CSMD1: variants seen among roughly 807,000 people sequenced by gnomAD.
CSMD1 encodes CUB and Sushi multiple domains 1, also known as CUB and sushi domain-containing protein 1.
CSMD1 carries 213 observed loss-of-function variants against 417.5 expected under a neutral mutation model. The ratio of observed to expected loss-of-function variants is 0.51; its 90% confidence interval spans 0.46 to 0.57. The LOEUF (loss-of-function observed/expected upper bound fraction) is 0.57, where lower values mean the gene tolerates loss of function less well. Ranked by LOEUF, CSMD1 falls within the 20% of genes least tolerant of loss-of-function variation. The pLI is 0.00. For synonymous variants in CSMD1, 2,862 were observed against 1,736.8 expected, an observed-to-expected ratio of 1.65 and a Z score of -16.11; for missense variants, 6,923 against 4,529.7, an observed-to-expected ratio of 1.53 and a Z score of -15.17.
chr8:3,127,778 A>G (rs1160176996), intron 41 of CSMD1: 2 of 152,094 alleles, frequency 1.3e-5, no homozygotes, highest in Non-Finnish European at 2.9e-5. Flanking sequence ...TTTCCCAAAA[A>G]AGTTTATGCA....
chr8:3,228,967 G>C (rs1798670498), intron 27 of CSMD1, among the ~76,000 whole-genome samples: 5 of 152,096 alleles, frequency 3.3e-5, no homozygotes, highest in Admixed American at 3.3e-4. Context: ...CGCAGCACCA[G>C]ACATTAAACA....
intron 52 of CSMD1, among the ~76,000 whole-genome samples, chr8:3,012,438 G>A (rs1255334293): frequency 1.3e-5 from 2 of 152,170 alleles, no homozygotes; most frequent in East Asian, 3.9e-4. Context: ...CATGTTGGAA[G>A]TCACTGGAAA....
rs577189096 is a variant in CSMD1 at position 4,209,706 on chromosome 8, C to T, written c.416-177607G>A. ...GCAAGCCAGTGGTGTCACACAGCAA[C>T]TTTTATTGACTGAAGCAGCACCAGA... On this transcript the variant is annotated intron_variant, in intron 3 of 69. Coordinates refer to ENST00000635120, the MANE Select transcript of CSMD1 (RefSeq NM_033225.6). 6.6e-5 allele frequency among the ~76,000 whole-genome samples: 10 copies of T among 152,306 alleles called. No homozygotes were observed. In the East Asian group the frequency reaches 1.9e-3, roughly 29 times the overall value.
intron 3 of CSMD1, among the ~76,000 whole-genome samples, chr8:4,288,759 C>G (rs1323692987): frequency 1.3e-5 from 2 of 152,200 alleles, no homozygotes; most frequent in African/African-American, 4.8e-5. Context: ...AACCTCCCAA[C>G]TCTAAGATCT....
At position 3,883,945 on chromosome 8, in the gene CSMD1, AAC is replaced by A. The variant is rs202010980; in HGVS notation, c.818+113956_818+113957del. ...ATATGAATATAGGCATACGCTTTTA[AAC>A]ATACATAGATATAGAGTGTGCACAT... is the stretch of plus-strand genomic sequence containing the variant. On this transcript the variant is annotated intron_variant, in intron 5 of 69. Transcript: ENST00000635120. Among the ~76,000 whole-genome samples the A allele has an allele frequency of 9.2e-5, 14 of 152,094 alleles. No homozygotes were observed. The East Asian group carries it at 1.7e-3, about 19-fold the overall frequency.
At chr8:4,173,215 C>A (rs1406799134) in intron 3 of CSMD1, among the ~76,000 whole-genome samples, 1 of 152,058 alleles carries the variant, frequency 6.6e-6, no homozygotes, top group Non-Finnish European at 1.5e-5. Context: ...GATAAACGAC[C>A]AATAACTCTT....
At chr8:4,767,645 G>A (rs905457643) in intron 1 of CSMD1, among the ~76,000 whole-genome samples, 13 of 152,098 alleles carry the variant, frequency 8.5e-5, no homozygotes, top group African/African-American at 2.7e-4. Context: ...TTCGTCTTTC[G>A]TTATTCTACA....
chr8:4,661,432 A>G (rs1447695923), intron 1 of CSMD1, among the ~76,000 whole-genome samples: 1 of 152,190 alleles, frequency 6.6e-6, no homozygotes, highest in Non-Finnish European at 1.5e-5. Flanking sequence ...ACATTTTTGA[A>G]GTGACAAAAA....
chr8:3,850,151 C>T (rs1160740279), intron 5 of CSMD1, among the ~76,000 whole-genome samples: 1 of 152,190 alleles, frequency 6.6e-6, no homozygotes, highest in African/African-American at 2.4e-5. Context: ...GGGCATATCC[C>T]TTATGAATTT....
chr8:3,672,078 G>A (rs375313290), intron 7 of CSMD1, among the ~76,000 whole-genome samples: 3 of 152,180 alleles, frequency 2.0e-5, no homozygotes, highest in Non-Finnish European at 4.4e-5. Context: ...TACTTTCAAA[G>A]TGTATCATTC....
intron 17 of CSMD1, among the ~76,000 whole-genome samples, chr8:3,390,950 C>A (rs1030344544): frequency 1.3e-5 from 2 of 152,002 alleles, no homozygotes; most frequent in Non-Finnish European, 2.9e-5. Flanking sequence ...AGCCAGTGAG[C>A]CAAGAAATTA....
chr8:3,849,825 T>TTTGTTC (rs1251540960), intron 5 of CSMD1, among the ~76,000 whole-genome samples: 9 of 151,830 alleles, frequency 5.9e-5, no homozygotes, highest in Non-Finnish European at 1.0e-4. Flanking sequence ...TTGTTTGGTT[T>TTTGTTC]TTGTTTTTGT....
chr8:3,501,618 C>T (rs1051198947), intron 10 of CSMD1, among the ~76,000 whole-genome samples: 5 of 152,050 alleles, frequency 3.3e-5, no homozygotes, highest in African/African-American at 9.7e-5. Flanking sequence ...GGAAAACTGA[C>T]GCTATAATGT....
At chr8:3,826,228 G>C (rs1165638311) in intron 5 of CSMD1, among the ~76,000 whole-genome samples, 1 of 152,158 alleles carries the variant, frequency 6.6e-6, no homozygotes, top group Non-Finnish European at 1.5e-5. Context: ...TTGCTAGAAA[G>C]ATGAAGTGAT....
chr8:3,200,477 C>A (rs1796935196), intron 32 of CSMD1, among the ~76,000 whole-genome samples: 1 of 151,816 alleles, frequency 6.6e-6, no homozygotes, highest in South Asian at 2.1e-4. Flanking sequence ...ATCGCTTGAA[C>A]CTGGGAGATG....
intron 3 of CSMD1, among the ~76,000 whole-genome samples, chr8:4,034,408 A>G (rs1797511436): frequency 6.6e-6 from 1 of 152,246 alleles, no homozygotes; most frequent in Non-Finnish European, 1.5e-5. Context: ...ACAACAGAAA[A>G]TAGTTCACTA....
At chr8:3,615,196 G>C (rs1563201310) in intron 8 of CSMD1, among the ~76,000 whole-genome samples, 1 of 152,076 alleles carries the variant, frequency 6.6e-6, no homozygotes, top group Non-Finnish European at 1.5e-5. Flanking sequence ...TTCCTCTGGA[G>C]AACTTCCTTG....
intron 5 of CSMD1, among the ~76,000 whole-genome samples, chr8:3,968,043 C>T (rs56144653): frequency 0.3 from 41,925 of 138,856 alleles, 6,320 homozygotes; most frequent in East Asian, 0.46. Flanking sequence ...AAAAATTAGC[C>T]GGGAGTGGTG....
At chr8:3,313,352 A>T (rs1805500694) in intron 23 of CSMD1, among the ~76,000 whole-genome samples, 1 of 152,110 alleles carries the variant, frequency 6.6e-6, no homozygotes, top group African/African-American at 2.4e-5. Flanking sequence ...AAGGGAGAAA[A>T]TTTTTGCAAT....
Sources: allele counts gnomAD v4.1 joint callset (sites outside exome capture counted in the v4.1 genomes callset), GRCh38; gene constraint gnomAD v4.1.1; transcripts MANE v1.5; gene names NCBI Gene and HGNC (gene_info 2026-07-23, HGNC 2026-07-21).